Variants in ZNF501 observed in about 807,000 individuals in gnomAD.
ZNF501 encodes zinc finger protein 501, also known as zinc finger protein 52.
Under a neutral mutation model 5.7 loss-of-function variants are expected in ZNF501, and 7 were observed. The ratio of observed to expected loss-of-function variants is 1.24; its 90% CI spans 0.70 to 2.32. The LOEUF (loss-of-function observed/expected upper bound fraction) is 2.32. ZNF501 is among the 30% of genes most tolerant of loss of function. The pLI, the probability that ZNF501 is intolerant of heterozygous loss-of-function variation, is 0.00. For synonymous variants in ZNF501, 107 were observed against 101.9 expected (o/e 1.05, Z -0.30); for missense variants, 352 against 321.1 (o/e 1.10, Z -0.73).
At position 44,734,857 on chromosome 3, in the gene ZNF501, A is replaced by G; in HGVS notation, c.436A>G (p.Ser146Gly). Residue 146 changes from serine to glycine, a missense_variant, in exon 3 of 3, where the codon AGC becomes GGC. Physicochemically the swap from Ser to Gly is moderately conservative, Grantham distance 56 (BLOSUM62 0). Transcript: ENST00000620116. ...AGAATGTGGCAAAGCCTTCAGTCAG[A>G]GCATATGCCTTACTCGTCATCAGAG... The part of the protein sequence containing the change: ...CTECGKAFSQ[S>G]ICLTRHQRSH... 6.2e-7 allele frequency: 1 copy of G among 1,613,934 alleles called. No individual in the cohort carries two copies. Among genetic ancestry groups the G allele is most frequent in the Non-Finnish European group, 8.5e-7 (1 of 1,180,024 alleles).
rs943185788 is a variant in ZNF501, at chr3:44,735,392, T to C, written c.*155T>C. ...TCCTAATGTGTCCTAGTCTGGAGTT[T>C]GATGCCTTATCTGCTGCTCAGTGGG... On this transcript the variant is annotated 3_prime_UTR_variant, in exon 3 of 3. Transcript: ENST00000620116. 8.7e-5 allele frequency: 58 copies of C among 666,154 alleles called. No homozygotes were observed. In the South Asian group the frequency reaches 1.3e-3, roughly 15 times the overall value. 41.3% of individuals were successfully genotyped at this position (666,154 alleles called of 1,614,324 possible).
rs544670889 is a variant in ZNF501, at chr3:44,734,419, A to T, written c.-3A>T. 1 of 1,609,066 alleles carries T rather than the reference A, an allele frequency of 6.2e-7. No homozygotes were observed. The highest frequency in any genetic ancestry group is 1.1e-5 in the South Asian group (1 of 90,776). ...TAAGTATGAATTTGGTGTTACAAGCAGCATGAATTCCAGCCAAATATCACT... is the reference window on the plus strand; with the variant it reads ...TAAGTATGAATTTGGTGTTACAAGCTGCATGAATTCCAGCCAAATATCACT... On this transcript the variant is annotated 5_prime_UTR_variant, in exon 3 of 3. Coordinates refer to ENST00000620116, the MANE Select transcript of ZNF501 (RefSeq NM_001258280.2).
Position 44,736,494 on chromosome 3 carries a change from G to C in ZNF501, c.*1257G>C, listed in dbSNP as rs1480027054. The C allele has an allele frequency of 6.0e-6, 1 of 166,922 alleles. No individual in the cohort carries two copies. The highest frequency in any genetic ancestry group is 2.4e-5 in the African/African-American group (1 of 41,390). The allele number at this position is 166,922 out of a possible 1,614,324, so 10.3% of individuals were successfully genotyped here. A position where few individuals can be genotyped will look rare whatever the true frequency, so the allele number is the denominator to read the frequency against. ...CAGTTCTGGTTTATATAATACCAAA[G>C]TCACATACAGGTAATTTCCCACCAT... is the stretch of plus-strand genomic sequence containing the variant. On this transcript the variant is annotated 3_prime_UTR_variant, in exon 3 of 3. Transcript: ENST00000620116.
At position 44,735,473 on chromosome 3, in the gene ZNF501, G is replaced by A. The variant is rs1704685104; in HGVS notation, c.*236G>A. Reference sequence around the variant, plus strand: ...CCCCATTCCCCCCAATAGAAAAATGGGGATATTTCCTAGGGTTGTCCTGAG... The same window carrying A: ...CCCCATTCCCCCCAATAGAAAAATGAGGATATTTCCTAGGGTTGTCCTGAG... On this transcript the variant is annotated 3_prime_UTR_variant, in exon 3 of 3. Transcript: ENST00000620116. 1 of 375,710 alleles carries A rather than the reference G, an allele frequency of 2.7e-6. No homozygotes were observed. The highest frequency in any genetic ancestry group is 5.0e-6 in the Non-Finnish European group (1 of 200,238). 23.3% of individuals were successfully genotyped at this position (375,710 alleles called of 1,614,324 possible).
Position 44,734,508 on chromosome 3 carries a change from G to A in ZNF501, c.87G>A (p.Lys29=). 1 of 1,614,148 alleles carries A rather than the reference G, an allele frequency of 6.2e-7. No individual in the cohort carries two copies. Among genetic ancestry groups the A allele is most frequent in the Non-Finnish European group, 8.5e-7 (1 of 1,180,016 alleles). Residue 29 remains lysine (K), a synonymous_variant, in exon 3 of 3, where the codon AAG becomes AAA. Transcript: ENST00000620116. The stretch of plus-strand genomic sequence containing the variant: ...CTTCAAAGTGTAGTGAATGTGGGAA[G>A]TTCTTTACTCAGAGATCATCTCTTA... ...KKPSKCSECG[K]FFTQRSSLTQ...
Position 44,734,717 on chromosome 3 carries a change from T to C in ZNF501, c.296T>C (p.Ile99Thr). 4 of 1,614,150 alleles carry C rather than the reference T, an allele frequency of 2.5e-6. No individual in the cohort carries two copies. Among genetic ancestry groups the C allele is most frequent in the Non-Finnish European group, 3.4e-6 (4 of 1,180,018 alleles). The change falls in exon 3 of 3, where the codon ATT becomes ACT. Residue 99 changes from isoleucine (I) to threonine (T), a missense_variant. Coordinates refer to ENST00000620116, the MANE Select transcript of ZNF501 (RefSeq NM_001258280.2). ...TKAILVQHLR[I>T]HTGEKPYKCN... ...GCAATTCTTGTTCAGCATCTGAGAA[T>C]TCATACTGGAGAGAAACCCTATAAA... is the stretch of plus-strand genomic sequence containing the variant.
At chr3:44,732,776 T>TA in intron 2 of ZNF501, among the ~76,000 whole-genome samples, 1 of 152,168 alleles carries the variant, frequency 6.6e-6, no homozygotes, top group Non-Finnish European at 1.5e-5. Flanking sequence ...TGAAGGAAGA[T>TA]ACTTCAAACT....
At chr3:44,731,894 T>A (rs1704621159) in intron 2 of ZNF501, 1 of 152,248 alleles carries the variant, frequency 6.6e-6, no homozygotes, top group Non-Finnish European at 1.5e-5. Context: ...GTGTAGTGGT[T>A]GGATCAAGGA....
At chr3:44,730,768 G>A (rs1164478720) in intron 1 of ZNF501, among the ~76,000 whole-genome samples, 1 of 152,186 alleles carries the variant, frequency 6.6e-6, no homozygotes, top group African/African-American at 2.4e-5. Flanking sequence ...CTAATTGTAG[G>A]AGGATAACTG....
In ZNF501 at chr3:44,735,908, C is replaced by T. The variant is rs757470742; in HGVS notation, c.*671C>T. ...CACTTTTCCATTAAACGGAAAGCCT[C>T]CCTGACATTAACTGAATAAAACCTC... On this transcript the variant is annotated 3_prime_UTR_variant, in exon 3 of 3. Transcript: ENST00000620116. 3.0e-5 allele frequency: 5 copies of T among 167,038 alleles called. No individual in the cohort carries two copies. Among genetic ancestry groups the T allele is most frequent in the Admixed American group, 6.5e-5 (1 of 15,276 alleles). The allele number at this position is 167,038 out of a possible 1,614,324, so 10.3% of individuals were successfully genotyped here.
Position 44,734,644 on chromosome 3 carries a change from G to A in ZNF501, c.223G>A (p.Glu75Lys). The change falls in exon 3 of 3, where the codon GAG (glutamate) becomes AAG (lysine). Residue 75 changes from glutamate to lysine, a missense_variant. By Grantham distance (56) the Glu-to-Lys change is moderately conservative. Transcript: ENST00000620116. The stretch of plus-strand genomic sequence containing the variant: ...TCAACATCTGAGAATTCATACCGGA[G>A]AGAAACCTTATAAATGTAATGAATG... ...LTQHLRIHTGEKPYKCNECEK... is the reference protein window; with the variant it reads ...LTQHLRIHTGKKPYKCNECEK... 2 of 1,614,104 alleles carry A rather than the reference G, an allele frequency of 1.2e-6. No homozygotes were observed. Among genetic ancestry groups the A allele is most frequent in the Non-Finnish European group, 1.7e-6 (2 of 1,180,000 alleles).
chr3:44,730,635 A>G (rs963877700), intron 1 of ZNF501, among the ~76,000 whole-genome samples: 1 of 152,246 alleles, frequency 6.6e-6, no homozygotes, highest in African/African-American at 2.4e-5. Flanking sequence ...CTTTGAATAC[A>G]GTGTTCTTTG....
At position 44,735,562 on chromosome 3, in the gene ZNF501, T is replaced by G. The variant is rs755030522; in HGVS notation, c.*325T>G. 5.2e-5 allele frequency: 11 copies of G among 210,044 alleles called. No homozygotes were observed. In the South Asian group the frequency reaches 1.2e-3, roughly 24 times the overall value. 13.0% of individuals were successfully genotyped at this position (210,044 alleles called of 1,614,324 possible). On this transcript the variant is annotated 3_prime_UTR_variant, in exon 3 of 3. Coordinates refer to ENST00000620116, the MANE Select transcript of ZNF501 (RefSeq NM_001258280.2). ...TTAATTAGCCGTTCTAAAAGTTTAT[T>G]TACAATATCAAAATCTGACAAGTAA...
chr3:44,733,919 GCCTGCCATGATTATAGGTAA>G (rs1302640656), intron 2 of ZNF501, among the ~76,000 whole-genome samples: 1 of 152,194 alleles, frequency 6.6e-6, no homozygotes, highest in Non-Finnish European at 1.5e-5. Context: ...ACTATCACTA[GCCTGCCATGATTATAGGTAA>G]CCTAAAGAAA....
chr3:44,734,483 C>A lies in ZNF501; in HGVS notation c.62C>A (p.Pro21His). 6.2e-7 allele frequency: 1 copy of A among 1,614,108 alleles called. No homozygotes were observed. Among genetic ancestry groups the A allele is most frequent in the South Asian group, 1.1e-5 (1 of 91,070 alleles). ...GGGAGAGTTAACATGCAGAAGAAAC[C>A]TTCAAAGTGTAGTGAATGTGGGAAG... ...KHGRVNMQKK[P>H]SKCSECGKFF... The change falls in exon 3 of 3, where the codon CCT (proline) becomes CAT (histidine). Residue 21 changes from proline (P) to histidine (H), a missense_variant. Pro to His is a moderately conservative substitution (Grantham distance 77). Transcript: ENST00000620116.
At chr3:44,730,306 C>G (rs1704591427) in intron 1 of ZNF501, among the ~76,000 whole-genome samples, 1 of 152,170 alleles carries the variant, frequency 6.6e-6, no homozygotes, top group Admixed American at 6.5e-5. Flanking sequence ...GGAGCCCATG[C>G]CATACTTGTA....
chr3:44,736,754 A>G lies in ZNF501; in HGVS notation c.*1517A>G, dbSNP rs968552712. 1 of 167,064 alleles carries G rather than the reference A, an allele frequency of 6.0e-6. No individual in the cohort carries two copies. Among genetic ancestry groups the G allele is most frequent in the African/African-American group, 2.4e-5 (1 of 41,428 alleles). The allele number at this position is 167,064 out of a possible 1,614,324, so 10.3% of individuals were successfully genotyped here. On this transcript the variant is annotated 3_prime_UTR_variant, in exon 3 of 3. Transcript: ENST00000620116. ...TAATATATGAATTTAGCATCTTTTC[A>G]TATGTTTGCCATCTGTATAGCTTTG...
rs763514876 is a variant in ZNF501 at position 44,734,998 on chromosome 3, A to T, written c.577A>T (p.Thr193Ser). ...IHSGEKPYTCTECGKAFTQNS... is the reference protein window; with the variant it reads ...IHSGEKPYTCSECGKAFTQNS... ...TTCAGGAGAGAAGCCCTACACATGC[A>T]CTGAATGTGGTAAAGCCTTCACTCA... Residue 193 changes from threonine to serine, a missense_variant, in exon 3 of 3, where the codon ACT becomes TCT. By Grantham distance (58) the Thr-to-Ser change is moderately conservative (BLOSUM62 1). Coordinates refer to ENST00000620116, the MANE Select transcript of ZNF501 (RefSeq NM_001258280.2). 6.2e-7 allele frequency: 1 copy of T among 1,614,186 alleles called. No homozygotes were observed. Among genetic ancestry groups the T allele is most frequent in the Non-Finnish European group, 8.5e-7 (1 of 1,180,016 alleles).
rs777146431 is a variant in ZNF501 at position 44,734,600 on chromosome 3, G to A, written c.179G>A (p.Arg60His). ...YVCSECGSCF[R>H]KQSNLTQHLR... ...TGCAGTGAATGTGGAAGTTGTTTCC[G>A]TAAACAGTCAAATCTTACTCAACAT... The change falls in exon 3 of 3, where the codon CGT (arginine) becomes CAT (histidine). Residue 60 changes from arginine (R) to histidine (H), a missense_variant. Arg to His is a conservative substitution (Grantham distance 29). Transcript: ENST00000620116. 9 of 1,614,080 alleles carry A rather than the reference G, an allele frequency of 5.6e-6. No individual in the cohort carries two copies. Among genetic ancestry groups the A allele is most frequent in the Admixed American group, 3.3e-5 (2 of 60,024 alleles).
Sources: gnomAD v4.1 joint callset for allele counts (sites outside exome capture counted in the v4.1 genomes callset) on GRCh38, gnomAD v4.1.1 for gene constraint, MANE v1.5 for transcripts, NCBI Gene and HGNC (gene_info 2026-07-23, HGNC 2026-07-21) for gene names.